PLCB4: variants seen among roughly 807,000 people sequenced by gnomAD.
PLCB4 encodes the protein 1-phosphatidylinositol 4,5-bisphosphate phosphodiesterase beta-4.
Under a neutral mutation model 178.8 loss-of-function variants are expected in PLCB4, and 77 were observed. The ratio of observed to expected loss-of-function variants is 0.43; its 90% confidence interval spans 0.36 to 0.52. PLCB4 has a LOEUF of 0.52. PLCB4 is among the 20% of genes least tolerant of loss of function. The pLI, the probability that PLCB4 is intolerant of heterozygous loss-of-function variation, is 0.00. For synonymous variants in PLCB4, 496 were observed against 490.8 expected (o/e 1.01, Z -0.14); for missense variants, 1,024 against 1,453.4 (o/e 0.70, Z 4.80).
chr20:9,207,584 G>A (rs2093628307), intron 2 of PLCB4, among the ~76,000 whole-genome samples: 3 of 152,192 alleles, frequency 2.0e-5, no homozygotes. Context: ...GGTGGCACGT[G>A]GTGCCGTGCT....
intron 3 of PLCB4, among the ~76,000 whole-genome samples, chr20:9,281,003 A>C (rs2094490694): frequency 6.6e-6 from 1 of 151,982 alleles, no homozygotes. Flanking sequence ...CTGTTTTGAA[A>C]GTTTCTCTGA....
At chr20:9,240,538 T>C (rs999208127) in intron 3 of PLCB4, among the ~76,000 whole-genome samples, 8 of 152,150 alleles carry the variant, frequency 5.3e-5, no homozygotes, top group Non-Finnish European at 1.0e-4. Flanking sequence ...TTCCTAACTA[T>C]TATTGTGTTA....
chr20:9,371,123 C>T (rs1292584585), intron 9 of PLCB4, 91 bp from the exon 10 acceptor site: 1 of 826,440 alleles, frequency 1.2e-6, no homozygotes, highest in Non-Finnish European at 2.1e-6. Flanking sequence ...TTACCCTAGT[C>T]TCACTCTCCA....
intron 3 of PLCB4, among the ~76,000 whole-genome samples, chr20:9,257,462 C>T (rs2094248363): frequency 1.3e-5 from 2 of 152,200 alleles, no homozygotes; most frequent in Admixed American, 6.5e-5. Flanking sequence ...CTTTATTGCC[C>T]AGATAAATCT....
intron 3 of PLCB4, among the ~76,000 whole-genome samples, chr20:9,292,448 A>G (rs1182895830): frequency 5.3e-5 from 8 of 152,124 alleles, no homozygotes; most frequent in African/African-American, 1.9e-4. Flanking sequence ...GGATAAGAAC[A>G]TCACGCACCT....
chr20:9,080,414 C>G (rs1289696400), intron 1 of PLCB4, among the ~76,000 whole-genome samples: 2 of 115,844 alleles, frequency 1.7e-5, no homozygotes, highest in Non-Finnish European at 4.1e-5. Flanking sequence ...TCATTAGCAG[C>G]TACTACTTTG....
At chr20:9,128,035 A>G (rs1052887339) in intron 2 of PLCB4, among the ~76,000 whole-genome samples, 3 of 152,042 alleles carry the variant, frequency 2.0e-5, no homozygotes, top group East Asian at 1.9e-4. Context: ...TCCAAATCTC[A>G]TGTTGAAATG....
intron 7 of PLCB4, 55 bp downstream of exon 7, chr20:9,339,092 G>T: frequency 1.5e-6 from 2 of 1,371,636 alleles, no homozygotes; most frequent in Non-Finnish European, 1.0e-6. Flanking sequence ...TATGTTGTGT[G>T]TTTAATTTTA....
chr20:9,377,492 C>T (rs1185097116), intron 12 of PLCB4, among the ~76,000 whole-genome samples: 1 of 152,112 alleles, frequency 6.6e-6, no homozygotes, highest in African/African-American at 2.4e-5. Flanking sequence ...ATATTTGTTT[C>T]CTTGCCTTTG....
At chr20:9,332,082 ACCC>A (rs558040624) in intron 4 of PLCB4, among the ~76,000 whole-genome samples, 83 of 152,160 alleles carry the variant, frequency 5.5e-4, no homozygotes, top group African/African-American at 1.9e-3. Flanking sequence ...AATTCTGCCC[ACCC>A]CCCAAGGAAG....
chr20:9,155,107 C>T (rs2092765948), intron 2 of PLCB4, among the ~76,000 whole-genome samples: 1 of 151,072 alleles, frequency 6.6e-6, no homozygotes, highest in Admixed American at 6.6e-5. Flanking sequence ...CCCTCCCACC[C>T]TTCCCCTTCT....
intron 25 of PLCB4, among the ~76,000 whole-genome samples, chr20:9,413,309 TC>T (rs2039988788): frequency 1.3e-5 from 2 of 151,890 alleles, no homozygotes; most frequent in African/African-American, 4.8e-5. Context: ...GAGTATTGTT[TC>T]TGTATAAAAA....
At chr20:9,186,647 T>C (rs1432556812) in intron 2 of PLCB4, among the ~76,000 whole-genome samples, 3 of 152,140 alleles carry the variant, frequency 2.0e-5, no homozygotes, top group Non-Finnish European at 2.9e-5. Context: ...CGGTTTGCCA[T>C]GTGCCAAACG....
chr20:9,268,015 G>A (rs6118550), intron 3 of PLCB4, among the ~76,000 whole-genome samples: 4 of 152,122 alleles, frequency 2.6e-5, no homozygotes, highest in Non-Finnish European at 4.4e-5. Flanking sequence ...CCAGCAAGAA[G>A]GCCTTCACCA....
At chr20:9,379,224 A>G (rs541447873) in intron 12 of PLCB4, among the ~76,000 whole-genome samples, 1 of 152,178 alleles carries the variant, frequency 6.6e-6, no homozygotes, top group African/African-American at 2.4e-5. Context: ...AACACACACT[A>G]TTGGAGCTGA....
At position 9,453,341 on chromosome 20, in the gene PLCB4, G is replaced by T; in HGVS notation, c.2881-6G>T. On this transcript the variant is annotated splice_region_variant and splice_polypyrimidine_tract_variant and intron_variant, in intron 32 of 39. Transcript: ENST00000378473. ...CAATTCATAACTGCAAATCCTTCTT[G>T]TTCAGGAACACAGTACCATGCAGAA... The T allele has an allele frequency of 6.4e-7, 1 of 1,568,516 alleles. No individual in the cohort carries two copies. Among genetic ancestry groups the T allele is most frequent in the South Asian group, 1.1e-5 (1 of 89,882 alleles).
chr20:9,107,572 AG>A, intron 2 of PLCB4, among the ~76,000 whole-genome samples: 1 of 152,274 alleles, frequency 6.6e-6, no homozygotes, highest in African/African-American at 2.4e-5. Flanking sequence ...CATAAGGCAG[AG>A]GTGAGCCTGC....
At chr20:9,457,717 A>G (rs1158019278) in intron 34 of PLCB4, among the ~76,000 whole-genome samples, 2 of 152,188 alleles carry the variant, frequency 1.3e-5, no homozygotes, top group East Asian at 3.8e-4. Flanking sequence ...CTGTTGAACT[A>G]TGCTAACAAT....
intron 18 of PLCB4, among the ~76,000 whole-genome samples, chr20:9,394,061 T>C (rs1392798596): frequency 6.6e-6 from 1 of 152,198 alleles, no homozygotes; most frequent in Non-Finnish European, 1.5e-5. Context: ...TATCTAGGGA[T>C]ACTAGGTACA....
Sources: allele counts gnomAD v4.1 joint callset (sites outside exome capture counted in the v4.1 genomes callset), GRCh38; gene constraint gnomAD v4.1.1; transcripts MANE v1.5; gene names NCBI Gene and HGNC (gene_info 2026-07-23, HGNC 2026-07-21).